The following KIF1B variants were observed in gnomAD, a reference collection of about 807,000 sequenced individuals.
KIF1B encodes the protein kinesin family member 1B.
Under a neutral mutation model 241.9 loss-of-function variants are expected in KIF1B, and 76 were observed. The observed-to-expected ratio is 0.31, with a 90% CI of 0.26 to 0.38. The LOEUF (loss-of-function observed/expected upper bound fraction) is 0.38. KIF1B is among the 10% of genes least tolerant of loss of function. The pLI, the probability that KIF1B is intolerant of heterozygous loss-of-function variation, is 1.00. For missense variants in KIF1B, 1,622 were observed against 2,271.4 expected, an observed-to-expected ratio of 0.71 and a Z score of 5.81; for synonymous variants, 750 against 796.7, an observed-to-expected ratio of 0.94 and a Z score of 0.99.
Position 10,271,567 on chromosome 1 carries a change from G to A in KIF1B, c.786G>A (p.Gly262=). 5.0e-6 allele frequency: 8 copies of A among 1,612,772 alleles called. No homozygotes were observed. Among genetic ancestry groups the A allele is most frequent in the Non-Finnish European group, 6.8e-6 (8 of 1,178,836 alleles). ...SERADSTGAK[G]TRLKEGANIN... is the part of the protein sequence containing the mutation. ...GAGCTGATTCAACTGGTGCCAAAGG[G>A]ACTCGATTAAAGGTATTTATTTTAG... The change falls in exon 8 of 49, where the codon GGG becomes GGA. Residue 262 remains glycine, a synonymous_variant. Transcript: ENST00000676179.
chr1:10,223,747 C>T lies in KIF1B; in HGVS notation c.-79-8503C>T, dbSNP rs547243497. ...TTCTAGTAGAAACGGGATTTCACCA[C>T]GTTGGCCAGGATGGTCTTGATGTCT... On this transcript the variant is annotated intron_variant, in intron 1 of 48. Coordinates refer to ENST00000676179, the MANE Select transcript of KIF1B (RefSeq NM_001365951.3). 3.9e-5 allele frequency among the ~76,000 whole-genome samples: 6 copies of T among 151,976 alleles called. No individual in the cohort carries two copies. The East Asian group carries it at 7.8e-4, about 20-fold the overall frequency.
At chr1:10,251,838 A>G (rs1413604423) in intron 2 of KIF1B, among the ~76,000 whole-genome samples, 1 of 152,042 alleles carries the variant, frequency 6.6e-6, no homozygotes, top group Non-Finnish European at 1.5e-5. Context: ...AGTGTTTATT[A>G]TAACCATGTT....
chr1:10,313,819 A>G (rs760532853), intron 22 of KIF1B, among the ~76,000 whole-genome samples: 12 of 151,196 alleles, frequency 7.9e-5, no homozygotes, highest in South Asian at 2.1e-4. Context: ...CAAAGTGTTG[A>G]GATTACAGGC....
At chr1:10,363,101 C>G (rs924916650) in intron 40 of KIF1B, among the ~76,000 whole-genome samples, 182 bp from the exon 41 acceptor site, 1 of 152,046 alleles carries the variant, frequency 6.6e-6, no homozygotes, top group South Asian at 2.1e-4. Context: ...TGAAAGCGGA[C>G]TCCTCTAGGA....
Position 10,376,743 on chromosome 1 carries a change from C to T in KIF1B, c.*156C>T. On this transcript the variant is annotated 3_prime_UTR_variant, in exon 49 of 49. Coordinates refer to ENST00000676179, the MANE Select transcript of KIF1B (RefSeq NM_001365951.3). Reference sequence around the variant, plus strand: ...AGCACTTTTCTAGCTCTCCCGTTCCCCATCTCCATTGCTCTGTACTCTTTT... The same window carrying T: ...AGCACTTTTCTAGCTCTCCCGTTCCTCATCTCCATTGCTCTGTACTCTTTT... 1 of 748,010 alleles carries T rather than the reference C, an allele frequency of 1.3e-6. No individual in the cohort carries two copies. The highest frequency in any genetic ancestry group is 2.4e-6 in the Non-Finnish European group (1 of 420,748). 46.3% of individuals were successfully genotyped at this position (748,010 alleles called of 1,614,324 possible). A position where few individuals can be genotyped will look rare whatever the true frequency, so the allele number is the denominator to read the frequency against.
At chr1:10,260,682 T>G (rs1343073678) in intron 4 of KIF1B, among the ~76,000 whole-genome samples, 1 of 151,892 alleles carries the variant, frequency 6.6e-6, no homozygotes, top group Non-Finnish European at 1.5e-5. Context: ...CTGACCAACA[T>G]GGTGAAACCC....
intron 1 of KIF1B, among the ~76,000 whole-genome samples, chr1:10,222,780 G>C (rs1290092930): frequency 6.6e-6 from 1 of 152,174 alleles, no homozygotes; most frequent in East Asian, 1.9e-4. Flanking sequence ...CTTTCCTAAC[G>C]CTTCTAATTG....
rs139702469 is a variant in KIF1B at position 10,355,698 on chromosome 1, A to T, written c.4055+2962A>T. On this transcript the variant is annotated intron_variant, in intron 38 of 48. Coordinates refer to ENST00000676179, the MANE Select transcript of KIF1B (RefSeq NM_001365951.3). ...CTCCCTTCATTTCATACAGAATCTC[A>T]GGTTTTGTTTTCTGTTTTCCTCTTT... 2.0e-5 allele frequency among the ~76,000 whole-genome samples: 3 copies of T among 152,174 alleles called. No homozygotes were observed. In the East Asian group the frequency reaches 5.8e-4, roughly 29 times the overall value.
At chr1:10,328,428 G>T (rs1243088247) in intron 27 of KIF1B, among the ~76,000 whole-genome samples, 2 of 152,162 alleles carry the variant, frequency 1.3e-5, no homozygotes, top group Non-Finnish European at 2.9e-5. Context: ...AACATAAAGG[G>T]ATTATGTGGC....
At chr1:10,216,183 G>A (rs570258773) in intron 1 of KIF1B, among the ~76,000 whole-genome samples, 7 of 152,110 alleles carry the variant, frequency 4.6e-5, no homozygotes, top group East Asian at 1.9e-4. Context: ...TGTAACTACC[G>A]TTAACTGTGA....
chr1:10,313,147 C>A (rs1438933073), intron 22 of KIF1B, among the ~76,000 whole-genome samples: 1 of 151,288 alleles, frequency 6.6e-6, no homozygotes, highest in Non-Finnish European at 1.5e-5. Context: ...CTCACTGCAA[C>A]CTCTGCTGCC....
intron 15 of KIF1B, among the ~76,000 whole-genome samples, chr1:10,290,574 C>T (rs866703684): frequency 2.6e-5 from 4 of 151,742 alleles, no homozygotes; most frequent in East Asian, 2.0e-4. Context: ...CTCTGCCTCC[C>T]GGGTTCATGC....
chr1:10,301,842 A>T (rs1450518503), intron 22 of KIF1B, among the ~76,000 whole-genome samples: 1 of 152,178 alleles, frequency 6.6e-6, no homozygotes, highest in African/African-American at 2.4e-5. Flanking sequence ...TGTTATCAAG[A>T]TTTGCTTGTA....
intron 45 of KIF1B, among the ~76,000 whole-genome samples, chr1:10,372,676 C>G (rs1485219220): frequency 8.0e-6 from 1 of 125,338 alleles, no homozygotes; most frequent in Admixed American, 7.7e-5. Flanking sequence ...GTCACCCAAG[C>G]TGGCGCGCAG....
In KIF1B at chr1:10,303,030, T is replaced by C. The variant is rs920313245; in HGVS notation, c.2115+5784T>C. On this transcript the variant is annotated intron_variant, in intron 22 of 48. Transcript: ENST00000676179. This position sits in a 1 kb window ranked among gnomAD's most constrained non-coding sequence, Gnocchi z 5.2. ...GGGTTTTTTTTGGTTTTGTTTTGTTTTTTAGTTTTTTTGGTCTTATTTTTA... is the reference window on the plus strand; with the variant it reads ...GGGTTTTTTTTGGTTTTGTTTTGTTCTTTAGTTTTTTTGGTCTTATTTTTA... The C allele has an allele frequency of 1.8e-6, 2 of 1,083,880 alleles. No individual in the cohort carries two copies. Among genetic ancestry groups the C allele is most frequent in the Non-Finnish European group, 2.6e-6 (2 of 764,178 alleles). The allele number at this position is 1,083,880 out of a possible 1,614,324, so 67.1% of individuals were successfully genotyped here. A position where few individuals can be genotyped will look rare whatever the true frequency, so the allele number is the denominator to read the frequency against.
chr1:10,282,618 C>A, intron 15 of KIF1B, 85 bp downstream of exon 15: 1 of 1,125,614 alleles, frequency 8.9e-7, no homozygotes, highest in Non-Finnish European at 1.4e-6. Context: ...AAGATTTCGA[C>A]TCAGCATATG....
At chr1:10,244,517 C>T (rs1571127743) in intron 2 of KIF1B, among the ~76,000 whole-genome samples, 1 of 151,550 alleles carries the variant, frequency 6.6e-6, no homozygotes. Flanking sequence ...GTTTCCCCAT[C>T]TTGAGGCTGG....
intron 1 of KIF1B, among the ~76,000 whole-genome samples, chr1:10,211,200 C>T (rs972599417): frequency 9.9e-5 from 15 of 152,234 alleles, no homozygotes; most frequent in Non-Finnish European, 1.8e-4. Flanking sequence ...CCCTGGGCTC[C>T]GCGCACGTTG....
chr1:10,330,735 AT>A (rs1651889429), intron 27 of KIF1B, among the ~76,000 whole-genome samples: 1 of 152,198 alleles, frequency 6.6e-6, no homozygotes, highest in Non-Finnish European at 1.5e-5. Flanking sequence ...CTTACCAAAT[AT>A]TTATAGAGTG....
Sources: gnomAD v4.1 joint callset for allele counts (sites outside exome capture counted in the v4.1 genomes callset) on GRCh38, gnomAD v4.1.1 for gene constraint, Gnocchi (gnomAD v3.1) non-coding constraint, MANE v1.5 for transcripts, NCBI Gene and HGNC (gene_info 2026-07-23, HGNC 2026-07-21) for gene names.